The following DRC8 variants were observed in gnomAD, a reference collection of about 807,000 sequenced individuals.
The protein encoded by DRC8 is dynein regulatory complex protein 8.
chr1:245,114,661 C>T, the DRC8 span, among the ~76,000 whole-genome samples: 1 of 152,084 alleles, frequency 6.6e-6, no homozygotes, highest in Non-Finnish European at 1.5e-5. Context: ...TGAAATAGGG[C>T]AGATTTTTTA....
At chr1:245,018,502 C>A in the DRC8 span, among the ~76,000 whole-genome samples, 1 of 152,230 alleles carries the variant, frequency 6.6e-6, no homozygotes, top group African/African-American at 2.4e-5. Context: ...CTGTGGGTAT[C>A]CCAGTAGGAA....
chr1:244,997,226 A>G, the DRC8 span, among the ~76,000 whole-genome samples: 2 of 151,950 alleles, frequency 1.3e-5, no homozygotes, highest in Non-Finnish European at 2.9e-5. Context: ...TCGTTCTTCT[A>G]CTGACTTTCC....
At chr1:245,118,815 G>GAAAAGAAAAGAAAAGAAAA in the DRC8 span, among the ~76,000 whole-genome samples, 1 of 151,130 alleles carries the variant, frequency 6.6e-6, no homozygotes, top group East Asian at 1.9e-4. Context: ...GAAAAGAAAA[G>GAAAAGAAAAGAAAAGAAAA]AAAAGAAAAG....
the DRC8 span, among the ~76,000 whole-genome samples, chr1:244,992,742 A>G: frequency 1.3e-5 from 2 of 152,214 alleles, no homozygotes; most frequent in Admixed American, 1.3e-4. Context: ...TGTGTCTCAA[A>G]AAAAGCCCCC....
At chr1:245,085,798 C>T in the DRC8 span, among the ~76,000 whole-genome samples, 2 of 152,168 alleles carry the variant, frequency 1.3e-5, no homozygotes, top group Non-Finnish European at 2.9e-5. Context: ...ATTTTGAGGG[C>T]ACCCAAATAA....
the DRC8 span, among the ~76,000 whole-genome samples, chr1:245,110,311 G>A: frequency 6.6e-6 from 1 of 152,324 alleles, no homozygotes; most frequent in South Asian, 2.1e-4. Context: ...TTGAACCCAG[G>A]AGGTGGAGGT....
the DRC8 span, among the ~76,000 whole-genome samples, chr1:245,121,616 A>C: frequency 6.6e-6 from 1 of 152,320 alleles, no homozygotes; most frequent in South Asian, 2.1e-4. Context: ...CTTAGGCCTG[A>C]GACAGTGCTG....
the DRC8 span, among the ~76,000 whole-genome samples, chr1:245,110,783 C>T: frequency 2.6e-5 from 4 of 152,206 alleles, no homozygotes; most frequent in African/African-American, 9.6e-5. Context: ...GCTCTGTGGC[C>T]ACAGAAGGCA....
At chr1:245,059,494 T>G in the DRC8 span, 1 of 1,557,226 alleles carries the variant, frequency 6.4e-7, no homozygotes, top group South Asian at 1.1e-5. Context: ...CAGCCAGCTC[T>G]CTGTGTGAGA....
the DRC8 span, among the ~76,000 whole-genome samples, chr1:245,071,916 C>A: frequency 6.6e-6 from 1 of 152,108 alleles, no homozygotes. Context: ...CACCACACAC[C>A]TATGAGAGTG....
At chr1:245,100,218 C>T in the DRC8 span, among the ~76,000 whole-genome samples, 2 of 152,082 alleles carry the variant, frequency 1.3e-5, no homozygotes, top group Admixed American at 1.3e-4. Context: ...AACCCAGTCT[C>T]TACTAAAAAT....
chr1:245,002,199 C>T, the DRC8 span: 1 of 1,610,222 alleles, frequency 6.2e-7, no homozygotes, highest in Non-Finnish European at 8.5e-7. Flanking sequence ...AAGAAGAGAC[C>T]ATCACACAAT....
chr1:245,036,435 T>C, the DRC8 span, among the ~76,000 whole-genome samples: 3 of 152,212 alleles, frequency 2.0e-5, no homozygotes, highest in Non-Finnish European at 4.4e-5. Flanking sequence ...AGTTTAGTAG[T>C]TCTTGGGAAA....
chr1:245,002,335 T>C, the DRC8 span: 3 of 902,024 alleles, frequency 3.3e-6, no homozygotes, highest in East Asian at 5.3e-5. Flanking sequence ...TCATTGATTA[T>C]ACATCTAGCC....
chr1:245,035,508 G>A, the DRC8 span, among the ~76,000 whole-genome samples: 1 of 152,092 alleles, frequency 6.6e-6, no homozygotes, highest in Non-Finnish European at 1.5e-5. Context: ...TAGGATGACT[G>A]AATATCCACA....
the DRC8 span, chr1:244,970,486 C>T: frequency 6.6e-7 from 1 of 1,523,196 alleles, no homozygotes; most frequent in Non-Finnish European, 8.8e-7. Context: ...CGCCGCCCGC[C>T]GCGACCCCGG....
chr1:245,085,364 A>G, the DRC8 span, among the ~76,000 whole-genome samples: 2 of 152,212 alleles, frequency 1.3e-5, no homozygotes, highest in African/African-American at 4.8e-5. Flanking sequence ...TAATTCTGTC[A>G]CACATGGTAG....
chr1:245,024,576 C>G, the DRC8 span, among the ~76,000 whole-genome samples: 612 of 142,112 alleles, frequency 4.3e-3, 4 homozygotes, highest in South Asian at 0.014. Context: ...GAGACAGAGT[C>G]TCGCTCTGTT....
chr1:245,013,956 T>C, the DRC8 span, among the ~76,000 whole-genome samples: 1 of 126,362 alleles, frequency 7.9e-6, no homozygotes, highest in African/African-American at 3.1e-5. Flanking sequence ...CTCTTGAGCC[T>C]GGGAGGTGGA....
Sources: allele counts gnomAD v4.1 joint callset (sites outside exome capture counted in the v4.1 genomes callset), GRCh38; gene constraint gnomAD v4.1.1; transcripts MANE v1.5; gene names NCBI Gene and HGNC (gene_info 2026-07-23, HGNC 2026-07-21).